Variants in HECW1 observed in about 807,000 individuals in gnomAD.
The protein encoded by HECW1 is HECT, C2 and WW domain containing E3 ubiquitin protein ligase 1.
In HECW1, 61 loss-of-function variants were observed where a neutral mutation model predicts 182.3. That is an observed-to-expected ratio of 0.33 (90% CI 0.27 to 0.41). The LOEUF (loss-of-function observed/expected upper bound fraction) is 0.41, where lower values mean the gene tolerates loss of function less well. Among genes scored for constraint, HECW1 ranks in the 10% least tolerant of loss-of-function variants. The pLI is 1.00. For synonymous variants in HECW1, 859 were observed against 832.6 expected (o/e 1.03, Z -0.55); for missense variants, 1,739 against 2,108.9 (o/e 0.82, Z 3.44).
At chr7:43,423,172 G>A (rs542607368) in intron 8 of HECW1, among the ~76,000 whole-genome samples, 6 of 152,286 alleles carry the variant, frequency 3.9e-5, no homozygotes, top group Middle Eastern at 3.4e-3. Flanking sequence ...TCTCTGAAAC[G>A]CAGAGCTGGT....
chr7:43,148,758 A>G (rs1377858729), intron 2 of HECW1: 1 of 151,842 alleles, frequency 6.6e-6, no homozygotes, highest in Admixed American at 6.6e-5. Context: ...CCTTGATGAC[A>G]TGGAACTAAA....
At chr7:43,291,061 T>C (rs1372031261) in intron 3 of HECW1, among the ~76,000 whole-genome samples, 2 of 152,306 alleles carry the variant, frequency 1.3e-5, no homozygotes, top group African/African-American at 4.8e-5. Context: ...GGAAAAATAG[T>C]TTTCTCCTCC....
At chr7:43,214,005 G>T (rs192318973) in intron 2 of HECW1, among the ~76,000 whole-genome samples, 66 of 152,120 alleles carry the variant, frequency 4.3e-4, no homozygotes, top group Non-Finnish European at 7.2e-4. Context: ...GACCTTTAGA[G>T]ACCTTTATTT....
intron 7 of HECW1, among the ~76,000 whole-genome samples, chr7:43,405,802 T>C (rs2075590155): frequency 6.6e-6 from 1 of 152,242 alleles, no homozygotes; most frequent in Non-Finnish European, 1.5e-5. Flanking sequence ...GCCAACCTTA[T>C]AAGCAGTTGA....
intron 5 of HECW1, among the ~76,000 whole-genome samples, chr7:43,356,719 C>T (rs1815186097): frequency 6.6e-6 from 1 of 152,010 alleles, no homozygotes; most frequent in African/African-American, 2.4e-5. Context: ...AGGAATAAAA[C>T]AAAATCATTA....
At position 43,564,554 on chromosome 7, in the gene HECW1, G is replaced by T; in HGVS notation, c.*2628G>T. 1 of 187,226 alleles carries T rather than the reference G, an allele frequency of 5.3e-6. No homozygotes were observed. The highest frequency in any genetic ancestry group is 1.1e-5 in the Non-Finnish European group (1 of 88,588). The allele number at this position is 187,226 out of a possible 1,614,324, so 11.6% of individuals were successfully genotyped here. ...AGATCTATCCCACAAAGCATAACAGGAACATTCTTTCACAAAAGTGCAAAA... is the reference window on the plus strand; with the variant it reads ...AGATCTATCCCACAAAGCATAACAGTAACATTCTTTCACAAAAGTGCAAAA... On this transcript the variant is annotated 3_prime_UTR_variant, in exon 30 of 30. Transcript: ENST00000395891.
chr7:43,270,872 G>A (rs1426112281), intron 3 of HECW1, among the ~76,000 whole-genome samples: 3 of 152,098 alleles, frequency 2.0e-5, no homozygotes, highest in African/African-American at 4.8e-5. Flanking sequence ...GAAAATCTTA[G>A]TTATAAAGTA....
intron 17 of HECW1, among the ~76,000 whole-genome samples, chr7:43,489,084 T>C (rs2078831358): frequency 1.3e-5 from 2 of 152,174 alleles, no homozygotes; most frequent in Admixed American, 6.5e-5. Flanking sequence ...CATTTCTGGG[T>C]GATGCCCTGA....
intron 2 of HECW1, among the ~76,000 whole-genome samples, chr7:43,123,217 T>G (rs958908275): frequency 6.6e-6 from 1 of 152,250 alleles, no homozygotes; most frequent in South Asian, 2.1e-4. Context: ...TTCTTGTCTT[T>G]ACAGAGTGAG....
intron 2 of HECW1, among the ~76,000 whole-genome samples, chr7:43,200,731 T>G (rs376127148): frequency 7.9e-5 from 12 of 152,334 alleles, no homozygotes; most frequent in African/African-American, 2.9e-4. Flanking sequence ...AGCTGGGTAA[T>G]AGAAGAAACA....
chr7:43,250,689 G>A (rs1041613770), intron 3 of HECW1, among the ~76,000 whole-genome samples: 15 of 152,292 alleles, frequency 9.8e-5, no homozygotes, highest in African/African-American at 3.6e-4. Flanking sequence ...AAATAGCCCA[G>A]AGGTCACCAA....
chr7:43,183,391 C>T (rs181427910), intron 2 of HECW1, among the ~76,000 whole-genome samples: 1 of 152,224 alleles, frequency 6.6e-6, no homozygotes, highest in Admixed American at 6.5e-5. Context: ...ATGCAAACAT[C>T]CTCCGCCCTC....
chr7:43,336,139 TC>T (rs1163126672), intron 5 of HECW1, among the ~76,000 whole-genome samples: 8 of 73,556 alleles, frequency 1.1e-4, no homozygotes, highest in Admixed American at 3.2e-4. Flanking sequence ...TCTCTCTCTC[TC>T]TCTTTCTCTC....
chr7:43,517,857 T>A (rs1209524966), intron 24 of HECW1, among the ~76,000 whole-genome samples: 1 of 152,180 alleles, frequency 6.6e-6, no homozygotes, highest in East Asian at 1.9e-4. Context: ...AGATGAGAAG[T>A]CACCATAGAA....
At chr7:43,469,224 C>A in intron 16 of HECW1, 119 bp downstream of exon 16, 1 of 1,063,246 alleles carries the variant, frequency 9.4e-7, no homozygotes, top group Non-Finnish European at 1.4e-6. Context: ...GTGCTATCGG[C>A]CGCCAGCAGT....
rs182414424 is a variant in HECW1, at chr7:43,279,775, G to T, written c.28-31988G>T. On this transcript the variant is annotated intron_variant, in intron 3 of 29. Transcript: ENST00000395891. ...AGTAATTTGTAAGTATATTTTTATTGGTGTATTTGTTTCCTTGACTGTCTC... is the reference window on the plus strand; with the variant it reads ...AGTAATTTGTAAGTATATTTTTATTTGTGTATTTGTTTCCTTGACTGTCTC... Among the ~76,000 whole-genome samples the T allele has an allele frequency of 1.7e-3, 262 of 152,070 alleles. 1 individual carries two copies. Among genetic ancestry groups the T allele is most frequent in the Non-Finnish European group, 2.7e-3 (186 of 67,972 alleles).
chr7:43,396,946 A>AAG (rs745473483), intron 7 of HECW1, 57 bp downstream of exon 7: 45 of 1,245,822 alleles, frequency 3.6e-5, no homozygotes, highest in Non-Finnish European at 2.7e-5. Context: ...ACCAAGAGTG[A>AAG]AGACACTCAC....
intron 6 of HECW1, among the ~76,000 whole-genome samples, chr7:43,373,069 C>T (rs778343351): frequency 7.9e-5 from 12 of 152,092 alleles, no homozygotes; most frequent in African/African-American, 1.4e-4. Flanking sequence ...ATTATAATGT[C>T]ATTAAGATGC....
chr7:43,240,200 T>C (rs1342549313), intron 2 of HECW1, among the ~76,000 whole-genome samples: 1 of 151,902 alleles, frequency 6.6e-6, no homozygotes, highest in Non-Finnish European at 1.5e-5. Flanking sequence ...AAGCCAGGCA[T>C]GGTGGTGGGC....
Sources: gnomAD v4.1 joint callset for allele counts (sites outside exome capture counted in the v4.1 genomes callset) on GRCh38, gnomAD v4.1.1 for gene constraint, MANE v1.5 for transcripts, NCBI Gene and HGNC (gene_info 2026-07-23, HGNC 2026-07-21) for gene names.